PDE4D: variants seen among roughly 807,000 people sequenced by gnomAD.
PDE4D encodes the protein phosphodiesterase 4D.
A neutral mutation model predicts 87.4 loss-of-function variants in PDE4D; 24 were observed. That is an observed-to-expected ratio of 0.27 (90% confidence interval 0.20 to 0.39). The LOEUF (loss-of-function observed/expected upper bound fraction) is 0.39, where lower values mean the gene tolerates loss of function less well. Ranked by LOEUF, PDE4D falls within the 10% of genes least tolerant of loss-of-function variation. The pLI is 1.00. For synonymous variants in PDE4D, 384 were observed against 383.2 expected (o/e 1.00, Z -0.02); for missense variants, 714 against 1,041.0 (o/e 0.69, Z 4.32).
chr5:60,448,841 A>G (rs1472043562), intron 1 of PDE4D: 1 of 152,146 alleles, frequency 6.6e-6, no homozygotes, highest in Non-Finnish European at 1.5e-5. Context: ...GCCTTTGCAT[A>G]ATGTTTAGTT....
At chr5:59,408,866 G>A (rs1245928666) in intron 1 of PDE4D, among the ~76,000 whole-genome samples, 4 of 152,124 alleles carry the variant, frequency 2.6e-5, no homozygotes, top group African/African-American at 4.8e-5. Context: ...GGAAATGTTG[G>A]CCAGGCATGA....
intron 1 of PDE4D, among the ~76,000 whole-genome samples, chr5:59,709,894 T>C (rs1418817006): frequency 3.3e-5 from 5 of 152,182 alleles, no homozygotes; most frequent in African/African-American, 9.6e-5. Context: ...GACAGAACTC[T>C]GCAGGAGACC....
At chr5:59,057,804 AG>A (rs1762574648) in intron 5 of PDE4D, among the ~76,000 whole-genome samples, 1 of 152,210 alleles carries the variant, frequency 6.6e-6, no homozygotes, top group Admixed American at 6.5e-5. Flanking sequence ...ATAAATTAGC[AG>A]TCTGGAAAAC....
chr5:60,414,238 AT>A (rs1742293260), intron 1 of PDE4D, among the ~76,000 whole-genome samples: 1 of 152,138 alleles, frequency 6.6e-6, no homozygotes, highest in Non-Finnish European at 1.5e-5. Context: ...TTATCCATAC[AT>A]TGTTTTTATA....
At chr5:60,459,381 T>G (rs965747514) in intron 1 of PDE4D, among the ~76,000 whole-genome samples, 22 of 152,122 alleles carry the variant, frequency 1.4e-4, no homozygotes, top group Non-Finnish European at 2.4e-4. Flanking sequence ...TCCCATTTTG[T>G]TTTTTAGTTT....
At chr5:59,261,108 A>G (rs920585141) in intron 1 of PDE4D, among the ~76,000 whole-genome samples, 1 of 151,860 alleles carries the variant, frequency 6.6e-6, no homozygotes, top group Non-Finnish European at 1.5e-5. Context: ...AAAGTCAGAT[A>G]ATAATTTGAT....
Position 58,974,496 on chromosome 5 carries a change from C to A in PDE4D, c.*168G>T, listed in dbSNP as rs1743220299. 4.1e-6 allele frequency: 2 copies of A among 484,554 alleles called. No individual in the cohort carries two copies. The highest frequency in any genetic ancestry group is 3.1e-5 in the East Asian group (1 of 32,160). 30.0% of individuals were successfully genotyped at this position (484,554 alleles called of 1,614,324 possible). A position where few individuals can be genotyped will look rare whatever the true frequency, so the allele number is the denominator to read the frequency against. On this transcript the variant is annotated 3_prime_UTR_variant, in exon 15 of 15. Transcript: ENST00000340635. Reference sequence around the variant, plus strand: ...CTCGGATGACATGGAGGTGAAAAAACTGGTTACGATATTCCTGAGCGCTGG... The same window carrying A: ...CTCGGATGACATGGAGGTGAAAAAAATGGTTACGATATTCCTGAGCGCTGG...
intron 1 of PDE4D, among the ~76,000 whole-genome samples, chr5:59,805,115 A>G (rs1767594323): frequency 6.6e-6 from 1 of 152,138 alleles, no homozygotes; most frequent in African/African-American, 2.4e-5. Flanking sequence ...TTAATCTACA[A>G]TACATTTGAA....
intron 6 of PDE4D, chr5:58,999,547 T>TTA: frequency 6.4e-6 from 9 of 1,409,912 alleles, no homozygotes; most frequent in East Asian, 2.5e-5. Context: ...TTTTGATTGA[T>TTA]TATATGTATA....
chr5:60,474,150 A>ATATATATAT (rs1274940940), intron 1 of PDE4D, among the ~76,000 whole-genome samples: 314 of 96,218 alleles, frequency 3.3e-3, no homozygotes, highest in Non-Finnish European at 3.9e-3. Context: ...ATATATATAT[A>ATATATATAT]ACAAAAACCT....
intron 1 of PDE4D, among the ~76,000 whole-genome samples, chr5:59,812,167 G>C (rs1248274648): frequency 6.6e-6 from 1 of 152,140 alleles, no homozygotes; most frequent in Non-Finnish European, 1.5e-5. Context: ...GGATGATCCT[G>C]TGCACTGTGA....
chr5:59,121,919 G>A (rs534848073), intron 5 of PDE4D, among the ~76,000 whole-genome samples: 159 of 152,086 alleles, frequency 1.0e-3, no homozygotes, highest in South Asian at 1.9e-3. Flanking sequence ...CGAGACGGGC[G>A]GATCACGTGG....
At chr5:59,938,941 T>C (rs1219656392) in intron 3 of PDE4D, among the ~76,000 whole-genome samples, 2 of 152,202 alleles carry the variant, frequency 1.3e-5, no homozygotes, top group Non-Finnish European at 2.9e-5. Flanking sequence ...ATTTCCCCTT[T>C]ACAAATGGGC....
chr5:59,199,214 C>A (rs1460164625), intron 2 of PDE4D, among the ~76,000 whole-genome samples: 2 of 151,780 alleles, frequency 1.3e-5, no homozygotes, highest in African/African-American at 4.8e-5. Context: ...TGAACTAGCA[C>A]TGTGAAGGAG....
chr5:59,098,753 A>G (rs1770226520), intron 5 of PDE4D, among the ~76,000 whole-genome samples: 1 of 151,628 alleles, frequency 6.6e-6, no homozygotes, highest in South Asian at 2.1e-4. Flanking sequence ...AAAATAATCT[A>G]GAAACAGGTC....
chr5:59,535,122 T>C (rs1814952777), intron 1 of PDE4D, among the ~76,000 whole-genome samples: 1 of 152,044 alleles, frequency 6.6e-6, no homozygotes, highest in Admixed American at 6.6e-5. Context: ...CAAATCATTT[T>C]TTTCTAAATG....
At chr5:60,206,521 A>G (rs1026787351) in intron 1 of PDE4D, among the ~76,000 whole-genome samples, 2 of 152,224 alleles carry the variant, frequency 1.3e-5, no homozygotes, top group African/African-American at 4.8e-5. Flanking sequence ...TACACCTTTC[A>G]TCTAAAGTTC....
At position 59,749,295 on chromosome 5, in the gene PDE4D, C is replaced by G. The variant is rs368475162; in HGVS notation, c.455+143873G>C. 1.4e-4 allele frequency among the ~76,000 whole-genome samples: 22 copies of G among 152,244 alleles called. No homozygotes were observed. The East Asian group carries it at 3.1e-3, about 21-fold the overall frequency. The stretch of plus-strand genomic sequence containing the variant: ...TTTGTTTTTGAGACAGAGTCTTGCT[C>G]TGTCACCCAGGCTGGAGTGCAGTGG... On this transcript the variant is annotated intron_variant, in intron 1 of 14. Coordinates refer to ENST00000340635, the MANE Select transcript of PDE4D (RefSeq NM_001104631.2).
chr5:59,543,874 G>T (rs1357896460), intron 1 of PDE4D, among the ~76,000 whole-genome samples: 1 of 152,156 alleles, frequency 6.6e-6, no homozygotes, highest in African/African-American at 2.4e-5. Flanking sequence ...CCAAAGCAAT[G>T]AAGGTGGAAA....
Sources: gnomAD v4.1 joint callset for allele counts (sites outside exome capture counted in the v4.1 genomes callset) on GRCh38, gnomAD v4.1.1 for gene constraint, MANE v1.5 for transcripts, NCBI Gene and HGNC (gene_info 2026-07-23, HGNC 2026-07-21) for gene names.